ORC5: variants seen among roughly 807,000 people sequenced by gnomAD.
The protein encoded by ORC5 is origin recognition complex subunit 5, also known as protein phosphatase 1, regulatory subunit 117.
A neutral mutation model predicts 58.8 loss-of-function variants in ORC5; 39 were observed. The observed-to-expected ratio is 0.66, with a 90% CI of 0.51 to 0.87. The LOEUF (loss-of-function observed/expected upper bound fraction) is 0.87, where lower values mean the gene tolerates loss of function less well. Ranked by LOEUF, ORC5 falls within the 40% of genes least tolerant of loss-of-function variation. The pLI is 0.00. For missense variants in ORC5, 493 were observed against 506.3 expected (o/e 0.97, Z 0.25); for synonymous variants, 218 against 177.6 (o/e 1.23, Z -1.81).
At chr7:104,182,433 G>A (rs1584510290) in intron 8 of ORC5, among the ~76,000 whole-genome samples, 1 of 151,924 alleles carries the variant, frequency 6.6e-6, no homozygotes, top group Non-Finnish European at 1.5e-5. Flanking sequence ...GCTTCTGCTG[G>A]TAAGTTGACA....
At chr7:104,175,494 C>G (rs1799303612) in intron 8 of ORC5, among the ~76,000 whole-genome samples, 1 of 152,188 alleles carries the variant, frequency 6.6e-6, no homozygotes, top group African/African-American at 2.4e-5. Context: ...TCCATGGCAA[C>G]TGACAACCTA....
intron 12 of ORC5, among the ~76,000 whole-genome samples, chr7:104,137,269 C>CA (rs58837683): frequency 2.1e-4 from 28 of 132,600 alleles, no homozygotes; most frequent in African/African-American, 3.9e-4. Context: ...AATGTGCCTA[C>CA]AAAAAAAAAA....
At chr7:104,194,032 A>G (rs1382913389) in intron 5 of ORC5, among the ~76,000 whole-genome samples, 1 of 150,582 alleles carries the variant, frequency 6.6e-6, no homozygotes, top group Non-Finnish European at 1.5e-5. Context: ...ATTCTAAATA[A>G]TTTTTCAGTA....
chr7:104,204,101 A>G, intron 2 of ORC5, 41 bp downstream of exon 2: 1 of 1,128,214 alleles, frequency 8.9e-7, no homozygotes, highest in Non-Finnish European at 1.3e-6. Context: ...AATATTATAC[A>G]CTAAAAATGG....
At position 104,197,675 on chromosome 7, in the gene ORC5, C is replaced by T. The variant is rs944685824; in HGVS notation, c.441+50G>A. On this transcript the variant is annotated intron_variant, in intron 4 of 13. Transcript: ENST00000297431. The stretch of plus-strand genomic sequence containing the variant: ...AGCAAAATGAAAAACTTTTACAACA[C>T]AATCCATTGATTAAGTTGTGGGGAG... 3.3e-6 allele frequency: 4 copies of T among 1,221,550 alleles called. No homozygotes were observed. In the African/African-American group the frequency reaches 4.5e-5, roughly 14 times the overall value. 75.7% of individuals were successfully genotyped at this position (1,221,550 alleles called of 1,614,324 possible).
rs150234786 is a variant in ORC5 at position 104,129,202 on chromosome 7, CTGTT to C, written c.1263-2313_1263-2310del. 1.3e-3 allele frequency among the ~76,000 whole-genome samples: 196 copies of C among 152,172 alleles called. No homozygotes were observed. The highest frequency in any genetic ancestry group is 4.3e-3 in the African/African-American group (177 of 41,538). On this transcript the variant is annotated intron_variant, in intron 13 of 13. Transcript: ENST00000297431. This position sits in a 1 kb window ranked among gnomAD's most constrained non-coding sequence, Gnocchi z 4.9. Reference sequence around the variant, plus strand: ...AGGACTTCTCTATTTTTTGAGAAATCTGTTTGTTACTATAGCATTAGAATAGTTT... The same window carrying C: ...AGGACTTCTCTATTTTTTGAGAAATCTGTTACTATAGCATTAGAATAGTTT...
chr7:104,131,801 G>A (rs529175079), intron 13 of ORC5, among the ~76,000 whole-genome samples: 182 of 150,936 alleles, frequency 1.2e-3, no homozygotes, highest in African/African-American at 3.9e-3. Context: ...GCAGTGAGCC[G>A]AGATCGTGCC....
intron 11 of ORC5, among the ~76,000 whole-genome samples, chr7:104,164,305 T>C (rs896429670): frequency 7.9e-5 from 12 of 152,048 alleles, no homozygotes; most frequent in Non-Finnish European, 1.8e-4. Context: ...GTGCCTGTAG[T>C]CCCAGCTACT....
intron 12 of ORC5, among the ~76,000 whole-genome samples, chr7:104,152,409 G>A (rs865884856): frequency 5.3e-5 from 8 of 152,252 alleles, no homozygotes; most frequent in Non-Finnish European, 7.4e-5. Flanking sequence ...CTCTCAAAGC[G>A]CTGGGATTAC....
intron 12 of ORC5, among the ~76,000 whole-genome samples, chr7:104,137,116 T>TC (rs1798602419): frequency 6.6e-6 from 1 of 151,302 alleles, no homozygotes; most frequent in Admixed American, 6.6e-5. Flanking sequence ...TTTTTTTTTT[T>TC]CTTAGAGATA....
At chr7:104,141,975 T>C (rs1798680608) in intron 12 of ORC5, among the ~76,000 whole-genome samples, 1 of 152,152 alleles carries the variant, frequency 6.6e-6, no homozygotes, top group Admixed American at 6.6e-5. Context: ...TCACAATTCC[T>C]TATTTCAAAG....
At chr7:104,141,738 T>C (rs1798676792) in intron 12 of ORC5, among the ~76,000 whole-genome samples, 1 of 152,034 alleles carries the variant, frequency 6.6e-6, no homozygotes, top group Non-Finnish European at 1.5e-5. Flanking sequence ...TCAAAAAGAA[T>C]AAAACATGTA....
intron 11 of ORC5, among the ~76,000 whole-genome samples, chr7:104,162,028 A>T (rs937962163): frequency 2.0e-5 from 3 of 152,220 alleles, no homozygotes; most frequent in Non-Finnish European, 4.4e-5. Flanking sequence ...CAGCAGCCTA[A>T]AACAATGTAA....
chr7:104,165,697 T>C lies in ORC5; in HGVS notation c.991-415A>G, dbSNP rs548775695. Reference sequence around the variant, plus strand: ...TAAGCACAGTTCACATAATAAACACTGATTGAGAGCATTTTAGTTAGGCAC... The same window carrying C: ...TAAGCACAGTTCACATAATAAACACCGATTGAGAGCATTTTAGTTAGGCAC... On this transcript the variant is annotated intron_variant, in intron 10 of 13. Transcript: ENST00000297431. The C allele has an allele frequency of 4.9e-5, 8 of 164,616 alleles. No individual in the cohort carries two copies. The South Asian group carries it at 6.9e-4, about 14-fold the overall frequency. 10.2% of individuals were successfully genotyped at this position (164,616 alleles called of 1,614,324 possible).
intron 7 of ORC5, 36 bp downstream of exon 7, chr7:104,184,087 C>T: frequency 6.3e-7 from 1 of 1,587,654 alleles, no homozygotes; most frequent in Non-Finnish European, 8.6e-7. Context: ...AAACCTTTCT[C>T]AAAATAAATA....
At chr7:104,188,668 T>G (rs1332396219) in intron 5 of ORC5, among the ~76,000 whole-genome samples, 2 of 152,150 alleles carry the variant, frequency 1.3e-5, no homozygotes, top group Non-Finnish European at 2.9e-5. Flanking sequence ...AATAAGTCCT[T>G]TTAAAACATA....
At chr7:104,157,887 A>G (rs1562810905) in intron 12 of ORC5, among the ~76,000 whole-genome samples, 1 of 152,116 alleles carries the variant, frequency 6.6e-6, no homozygotes, top group Non-Finnish European at 1.5e-5. Flanking sequence ...CAACCAAACC[A>G]GGGTGACAGT....
At chr7:104,203,060 A>G (rs1392106023) in intron 2 of ORC5, among the ~76,000 whole-genome samples, 1 of 152,244 alleles carries the variant, frequency 6.6e-6, no homozygotes, top group Non-Finnish European at 1.5e-5. Flanking sequence ...GAGTATAAGT[A>G]GAAGAAAACC....
At position 104,184,177 on chromosome 7, in the gene ORC5, A is replaced by G. The variant is rs1435355959; in HGVS notation, c.685-6T>C. 2 of 1,513,216 alleles carry G rather than the reference A, an allele frequency of 1.3e-6. No individual in the cohort carries two copies. Among genetic ancestry groups the G allele is most frequent in the African/African-American group, 1.4e-5 (1 of 70,558 alleles). The allele number at this position is 1,513,216 out of a possible 1,614,324, so 93.7% of individuals were successfully genotyped here. The stretch of plus-strand genomic sequence containing the variant: ...TTAGGAAAATTAAGTACTGCCTGTA[A>G]GTAAAGAAAAAAAAAGAGAAGAAAA... On this transcript the variant is annotated splice_polypyrimidine_tract_variant and splice_region_variant and intron_variant, in intron 6 of 13. Coordinates refer to ENST00000297431, the MANE Select transcript of ORC5 (RefSeq NM_002553.4).
Sources: allele counts gnomAD v4.1 joint callset (sites outside exome capture counted in the v4.1 genomes callset), GRCh38; gene constraint gnomAD v4.1.1; non-coding constraint Gnocchi (gnomAD v3.1); transcripts MANE v1.5; gene names NCBI Gene and HGNC (gene_info 2026-07-23, HGNC 2026-07-21).